STX3: variants seen among roughly 807,000 people sequenced by gnomAD.
STX3 encodes syntaxin-3.
Under a neutral mutation model 40.2 loss-of-function variants are expected in STX3, and 19 were observed. The ratio of observed to expected loss-of-function variants is 0.47; its 90% CI spans 0.33 to 0.69. The LOEUF (loss-of-function observed/expected upper bound fraction) is 0.69. Among genes scored for constraint, STX3 ranks in the 30% least tolerant of loss-of-function variants. The pLI is 0.02. For synonymous variants in STX3, 122 were observed against 132.2 expected (o/e 0.92, Z 0.53); for missense variants, 364 against 366.7 (o/e 0.99, Z 0.06).
chr11:59,771,158 C>T (rs1863602429), intron 1 of STX3, among the ~76,000 whole-genome samples: 1 of 132,778 alleles, frequency 7.5e-6, no homozygotes, highest in African/African-American at 3.2e-5. Flanking sequence ...GGTGCAGTGG[C>T]TCAGAGCTAT....
rs1865999945 is a variant in STX3 at position 59,804,268 on chromosome 11, C to T, written c.*3444C>T. 6.6e-6 allele frequency: 1 copy of T among 152,260 alleles called. No individual in the cohort carries two copies. Among genetic ancestry groups the T allele is most frequent in the Non-Finnish European group, 1.5e-5 (1 of 68,094 alleles). The allele number at this position is 152,260 out of a possible 1,614,324, so 9.4% of individuals were successfully genotyped here. On this transcript the variant is annotated 3_prime_UTR_variant, in exon 11 of 11. Coordinates refer to ENST00000337979, the MANE Select transcript of STX3 (RefSeq NM_004177.5). The stretch of plus-strand genomic sequence containing the variant: ...AGGCTCCTCTAGGTCACACCTTTGA[C>T]CACCCTACATCTGTTTCCTCTTTCA...
In STX3 at chr11:59,773,034, A is replaced by G. The variant is rs556576007; in HGVS notation, c.31-177A>G. ...ACACAACCCAGCAATTGGTAGAGCT[A>G]GGATTTAATTTCAGATGTTGAGACA... On this transcript the variant is annotated intron_variant, in intron 1 of 10. Transcript: ENST00000337979. Among the ~76,000 whole-genome samples, 10 of 151,620 alleles carry G rather than the reference A, an allele frequency of 6.6e-5. No individual in the cohort carries two copies. In the South Asian group the frequency reaches 1.5e-3, roughly 22 times the overall value.
chr11:59,767,007 G>A (rs555157235), intron 1 of STX3, among the ~76,000 whole-genome samples: 1 of 152,324 alleles, frequency 6.6e-6, no homozygotes, highest in East Asian at 1.9e-4. Context: ...AGAGGAACCT[G>A]TGGTCAGATA....
intron 1 of STX3, among the ~76,000 whole-genome samples, chr11:59,770,515 C>G (rs1266236750): frequency 1.3e-5 from 2 of 151,988 alleles, no homozygotes; most frequent in African/African-American, 4.8e-5. Flanking sequence ...GACTCACTCT[C>G]CTAGAGGAAG....
At position 59,801,925 on chromosome 11, in the gene STX3, A is replaced by G. The variant is rs1057054137; in HGVS notation, c.*1101A>G. The G allele has an allele frequency of 1.0e-6, 1 of 985,482 alleles. No homozygotes were observed. Among genetic ancestry groups the G allele is most frequent in the Non-Finnish European group, 1.2e-6 (1 of 829,928 alleles). The allele number at this position is 985,482 out of a possible 1,614,324, so 61.0% of individuals were successfully genotyped here. A position where few individuals can be genotyped will look rare whatever the true frequency, so the allele number is the denominator to read the frequency against. The stretch of plus-strand genomic sequence containing the variant: ...GAAATGTGATCTTCCCATATCATCA[A>G]GAAACTTGTTTTCTGGATGAATACT... On this transcript the variant is annotated 3_prime_UTR_variant, in exon 11 of 11. Transcript: ENST00000337979.
At chr11:59,770,563 C>T (rs1458561052) in intron 1 of STX3, among the ~76,000 whole-genome samples, 1 of 152,036 alleles carries the variant, frequency 6.6e-6, no homozygotes, top group Non-Finnish European at 1.5e-5. Flanking sequence ...CTGGAACTCT[C>T]TAGAGGTTGC....
At chr11:59,760,894 GA>G (rs1347885198) in intron 1 of STX3, among the ~76,000 whole-genome samples, 1 of 152,176 alleles carries the variant, frequency 6.6e-6, no homozygotes, top group Non-Finnish European at 1.5e-5. Flanking sequence ...CAGCAGTTAT[GA>G]TAGTCCTCTG....
chr11:59,773,493 AAGTC>A (rs1468855458), intron 2 of STX3, among the ~76,000 whole-genome samples, 199 bp downstream of exon 2: 1 of 152,188 alleles, frequency 6.6e-6, no homozygotes, highest in Non-Finnish European at 1.5e-5. Flanking sequence ...AATCTTAAGA[AAGTC>A]AGCAGAGGGT....
chr11:59,792,711 CA>C (rs2135017637), intron 6 of STX3, among the ~76,000 whole-genome samples: 1 of 152,120 alleles, frequency 6.6e-6, no homozygotes, highest in Admixed American at 6.5e-5. Context: ...CAAGAAAGAG[CA>C]AGTGTGTTTA....
At chr11:59,754,402 T>A (rs1862606862), upstream of STX3, 1 of 152,332 alleles carries the variant, frequency 6.6e-6, no homozygotes, top group African/African-American at 2.4e-5. Flanking sequence ...ACAGAGCAGA[T>A]CCTATTCTTC....
rs976967054 is a variant in STX3, at chr11:59,755,609, A to T, written c.4A>T (p.Lys2Ter). 4 of 1,594,496 alleles carry T rather than the reference A, an allele frequency of 2.5e-6. No homozygotes were observed. The highest frequency in any genetic ancestry group is 1.1e-5 in the South Asian group (1 of 90,860). M[K>*]DRLEQLKAKQ... is the part of the protein sequence containing the mutation. ...CTCCGGGCGCCTGGGCTTCAGGATG[A>T]AGGACCGTCTGGAGCAGCTGAAGGC... Residue 2 changes from lysine (K) to a stop codon, truncating the protein, a stop_gained, in exon 1 of 11, where the codon AAG becomes TAG. Transcript: ENST00000337979. LOFTEE classifies it high-confidence loss of function.
At chr11:59,771,343 A>T (rs1863614818) in intron 1 of STX3, among the ~76,000 whole-genome samples, 1 of 149,984 alleles carries the variant, frequency 6.7e-6, no homozygotes, top group African/African-American at 2.5e-5. Flanking sequence ...GCGCCATTGC[A>T]TTCCAGCCTG....
At chr11:59,762,339 T>C (rs1863079275) in intron 1 of STX3, among the ~76,000 whole-genome samples, 1 of 152,242 alleles carries the variant, frequency 6.6e-6, no homozygotes, top group African/African-American at 2.4e-5. Flanking sequence ...AGGTGCCCAC[T>C]GTCTGCAGGA....
Position 59,763,402 on chromosome 11 carries a change from C to A in STX3, c.30+7767C>A, listed in dbSNP as rs77085998. On this transcript the variant is annotated intron_variant, in intron 1 of 10. Coordinates refer to ENST00000337979, the MANE Select transcript of STX3 (RefSeq NM_004177.5). ...GGAGTTTTTGTCTTTCTTGTCTAGACCCACCTCAGGTCTGGAGAAGCAAAA... is the reference window on the plus strand; with the variant it reads ...GGAGTTTTTGTCTTTCTTGTCTAGAACCACCTCAGGTCTGGAGAAGCAAAA... Among the ~76,000 whole-genome samples, 1,006 of 152,226 alleles carry A rather than the reference C, an allele frequency of 6.6e-3. 7 individuals are homozygous for A. The highest frequency in any genetic ancestry group is 0.022 in the African/African-American group (919 of 41,522).
chr11:59,777,400 G>A (rs913307727), intron 2 of STX3, among the ~76,000 whole-genome samples: 1 of 152,170 alleles, frequency 6.6e-6, no homozygotes. Flanking sequence ...GGGAACCTTC[G>A]AGGATTTAAA....
intron 1 of STX3, among the ~76,000 whole-genome samples, chr11:59,769,360 A>G (rs1423777987): frequency 6.6e-6 from 1 of 152,154 alleles, no homozygotes; most frequent in African/African-American, 2.4e-5. Context: ...TCAGCGGGGC[A>G]GCGGGGTTAG....
chr11:59,763,076 G>T (rs74634837), intron 1 of STX3, among the ~76,000 whole-genome samples: 6 of 152,292 alleles, frequency 3.9e-5, no homozygotes, highest in Admixed American at 3.9e-4. Flanking sequence ...GTATTGTATC[G>T]CATGGACTGT....
At chr11:59,773,980 A>C (rs868002318) in intron 2 of STX3, among the ~76,000 whole-genome samples, 20,662 of 102,568 alleles carry the variant, frequency 0.2, 764 homozygotes, top group South Asian at 0.23. Context: ...ACACACACAA[A>C]AAAAAAAAAA....
At chr11:59,800,815 T>C in intron 10 of STX3, 40 bp from the exon 11 acceptor site, 1 of 1,536,120 alleles carries the variant, frequency 6.5e-7, no homozygotes, top group South Asian at 1.2e-5. Flanking sequence ...TTTGCCTTCT[T>C]CCTGTGTACT....
Sources: allele counts gnomAD v4.1 joint callset (sites outside exome capture counted in the v4.1 genomes callset), GRCh38; gene constraint gnomAD v4.1.1; transcripts MANE v1.5; gene names NCBI Gene and HGNC (gene_info 2026-07-23, HGNC 2026-07-21).